PRPSAP2: variants seen among roughly 807,000 people sequenced by gnomAD.
PRPSAP2 encodes the protein phosphoribosyl pyrophosphate synthase-associated protein 2.
PRPSAP2 carries 24 observed loss-of-function variants against 40.6 expected under a neutral mutation model. The observed-to-expected ratio is 0.59, with a 90% CI of 0.43 to 0.83. The LOEUF is 0.83. PRPSAP2 is among the 40% of genes least tolerant of loss of function. The pLI is 0.00. For synonymous variants in PRPSAP2, 149 were observed against 164.7 expected (o/e 0.90, Z 0.73); for missense variants, 292 against 465.6 (o/e 0.63, Z 3.43).
intron 10 of PRPSAP2, among the ~76,000 whole-genome samples, chr17:18,924,669 T>A (rs1346115527): frequency 2.0e-5 from 3 of 150,282 alleles, no homozygotes; most frequent in Non-Finnish European, 4.4e-5. Context: ...CTTGAGAGGC[T>A]GAGGCGGGAG....
chr17:18,873,880 C>T (rs1287693178), intron 5 of PRPSAP2, among the ~76,000 whole-genome samples: 1 of 151,802 alleles, frequency 6.6e-6, no homozygotes, highest in East Asian at 1.9e-4. Context: ...GGAGGGTGAT[C>T]ACCTGGAGCC....
At chr17:18,867,042 A>G (rs1396717646) in intron 3 of PRPSAP2, among the ~76,000 whole-genome samples, 1 of 152,104 alleles carries the variant, frequency 6.6e-6, no homozygotes, top group Non-Finnish European at 1.5e-5. Flanking sequence ...AGAGTGTCCA[A>G]GGAAGATGGC....
intron 1 of PRPSAP2, among the ~76,000 whole-genome samples, chr17:18,860,183 G>A (rs887867294): frequency 6.6e-6 from 1 of 152,056 alleles, no homozygotes; most frequent in African/African-American, 2.4e-5. Context: ...CCTCAGCTGC[G>A]CAAGTAGCTG....
chr17:18,859,131 C>T (rs1398498638), intron 1 of PRPSAP2, among the ~76,000 whole-genome samples: 1 of 152,088 alleles, frequency 6.6e-6, no homozygotes, highest in African/African-American at 2.4e-5. Context: ...TGTACTTGTT[C>T]TTTGAAAAGT....
intron 9 of PRPSAP2, among the ~76,000 whole-genome samples, chr17:18,912,793 G>A (rs2151955342): frequency 6.6e-6 from 1 of 152,332 alleles, no homozygotes; most frequent in East Asian, 1.9e-4. Flanking sequence ...CCAGCGTTTT[G>A]GGTAGCCAAG....
rs1215448178 is a variant in PRPSAP2 at position 18,867,461 on chromosome 17, C to T, written c.172+127C>T. 6 of 1,137,092 alleles carry T rather than the reference C, an allele frequency of 5.3e-6. No individual in the cohort carries two copies. The East Asian group carries it at 1.5e-4, about 28-fold the overall frequency. 70.4% of individuals were successfully genotyped at this position (1,137,092 alleles called of 1,614,324 possible). ...ACATTTCCATTAGCAAGAAGTCAGG[C>T]AGGCAAGGTAGAACAGAGTGGTTTT... On this transcript the variant is annotated intron_variant, in intron 4 of 11. Transcript: ENST00000268835.
At chr17:18,929,314 G>GC (rs1311300237) in intron 11 of PRPSAP2, among the ~76,000 whole-genome samples, 1 of 151,762 alleles carries the variant, frequency 6.6e-6, no homozygotes, top group Non-Finnish European at 1.5e-5. Context: ...CCGAGATTGT[G>GC]CCACTGCATT....
At chr17:18,887,476 A>T (rs2039248476) in intron 7 of PRPSAP2, among the ~76,000 whole-genome samples, 1 of 149,850 alleles carries the variant, frequency 6.7e-6, no homozygotes, top group Admixed American at 6.7e-5. Context: ...TGTTCTGCCC[A>T]CCTTGGCCTC....
intron 8 of PRPSAP2, chr17:18,908,181 C>T (rs1035557965): frequency 2.6e-5 from 16 of 620,072 alleles, no homozygotes; most frequent in South Asian, 3.8e-5. Context: ...AAGCCAGATG[C>T]GGTGGGAAGA....
intron 1 of PRPSAP2, 180 bp downstream of exon 1, chr17:18,858,441 T>C (rs28540773): frequency 0.53 from 81,065 of 152,266 alleles, 21,858 homozygotes; most frequent in Middle Eastern, 0.59. Context: ...CTTCCATTTT[T>C]CCCTCCCTTC....
chr17:18,905,830 G>T (rs1049534729), intron 8 of PRPSAP2, among the ~76,000 whole-genome samples: 1 of 152,102 alleles, frequency 6.6e-6, no homozygotes, highest in Non-Finnish European at 1.5e-5. Flanking sequence ...TGATCTGCCC[G>T]CCTCGGCCTC....
rs541832078 is a variant in PRPSAP2, at chr17:18,860,797, A to G, written c.-129+2536A>G. 3 of 152,352 alleles carry G rather than the reference A, an allele frequency of 2.0e-5. No homozygotes were observed. The East Asian group carries it at 5.8e-4, about 29-fold the overall frequency. 9.4% of individuals were successfully genotyped at this position (152,352 alleles called of 1,614,324 possible). A position where few individuals can be genotyped will look rare whatever the true frequency, so the allele number is the denominator to read the frequency against. The stretch of plus-strand genomic sequence containing the variant: ...TTTTGAAATGACTGCTAGTCTGTCC[A>G]AAGGAAATGATCTCTCAGTGTGGTT... On this transcript the variant is annotated intron_variant, in intron 1 of 11. Coordinates refer to ENST00000268835, the MANE Select transcript of PRPSAP2 (RefSeq NM_002767.4).
intron 8 of PRPSAP2, among the ~76,000 whole-genome samples, chr17:18,891,458 T>G (rs1411323077): frequency 6.6e-6 from 1 of 152,216 alleles, no homozygotes; most frequent in Admixed American, 6.5e-5. Flanking sequence ...TTGATTAAAT[T>G]GTAAGAAACA....
upstream of PRPSAP2, chr17:18,857,995 GC>G (rs1393298693): frequency 1.5e-5 from 2 of 129,590 alleles, no homozygotes; most frequent in African/African-American, 5.9e-5. Flanking sequence ...CATCGTGCCA[GC>G]CCGACTCCAC....
intron 8 of PRPSAP2, chr17:18,905,055 C>T (rs540088256): frequency 3.9e-5 from 6 of 152,236 alleles, no homozygotes; most frequent in African/African-American, 1.4e-4. Context: ...CAGAGTCTTG[C>T]TGTTGTCGCC....
At chr17:18,928,615 G>A (rs1186353436) in intron 10 of PRPSAP2, 196 bp from the exon 11 acceptor site, 2 of 618,882 alleles carry the variant, frequency 3.2e-6, no homozygotes, top group South Asian at 1.6e-5. Context: ...TGTGCAGGAA[G>A]AGGCTCGTGT....
At chr17:18,856,791 G>A (rs1470609889), upstream of PRPSAP2, among the ~76,000 whole-genome samples, 1 of 152,164 alleles carries the variant, frequency 6.6e-6, no homozygotes, top group Non-Finnish European at 1.5e-5. Flanking sequence ...TAACGTCGTC[G>A]TCTCAGTTCC....
At chr17:18,871,262 C>T (rs866263804) in intron 4 of PRPSAP2, among the ~76,000 whole-genome samples, 1 of 150,966 alleles carries the variant, frequency 6.6e-6, no homozygotes, top group Admixed American at 6.6e-5. Context: ...TCAGATTATC[C>T]GCCTGCCTGG....
At chr17:18,868,987 G>A (rs1482626064) in intron 4 of PRPSAP2, among the ~76,000 whole-genome samples, 1 of 152,114 alleles carries the variant, frequency 6.6e-6, no homozygotes, top group Non-Finnish European at 1.5e-5. Flanking sequence ...AGATCCCTAT[G>A]TGGCGTCAGT....
Sources: allele counts gnomAD v4.1 joint callset (sites outside exome capture counted in the v4.1 genomes callset), GRCh38; gene constraint gnomAD v4.1.1; transcripts MANE v1.5; gene names NCBI Gene and HGNC (gene_info 2026-07-23, HGNC 2026-07-21).